The following CTNNA3 variants were observed in gnomAD, a reference collection of about 807,000 sequenced individuals.
The protein encoded by CTNNA3 is catenin alpha 3.
In CTNNA3, 76 loss-of-function variants were observed where a neutral mutation model predicts 95.7. The observed-to-expected ratio is 0.79, with a 90% CI of 0.66 to 0.96. The LOEUF is 0.96. CTNNA3 is among the 40% of genes least tolerant of loss of function. CTNNA3 has a pLI of 0.00. For synonymous variants in CTNNA3, 431 were observed against 374.4 expected, an observed-to-expected ratio of 1.15 and a Z score of -1.74; for missense variants, 1,191 against 1,089.8, an observed-to-expected ratio of 1.09 and a Z score of -1.31.
intron 13 of CTNNA3, among the ~76,000 whole-genome samples, chr10:66,258,770 T>G (rs1444903870): frequency 7.2e-5 from 11 of 152,228 alleles, no homozygotes; most frequent in African/African-American, 2.4e-4. Flanking sequence ...CTAAGAAACC[T>G]TAAAAATATA....
chr10:66,454,646 C>A (rs1366438210), intron 11 of CTNNA3, among the ~76,000 whole-genome samples: 1 of 152,020 alleles, frequency 6.6e-6, no homozygotes, highest in Middle Eastern at 3.4e-3. Flanking sequence ...TTAGTTTCTA[C>A]CAAACATTTA....
At chr10:67,689,601 A>G (rs1840802483) in intron 1 of CTNNA3, among the ~76,000 whole-genome samples, 1 of 152,100 alleles carries the variant, frequency 6.6e-6, no homozygotes, top group South Asian at 2.1e-4. Context: ...CTTGGGTGAC[A>G]TGATTTTGAG....
intron 5 of CTNNA3, among the ~76,000 whole-genome samples, chr10:67,479,902 T>C (rs1297006949): frequency 1.3e-5 from 2 of 151,916 alleles, no homozygotes; most frequent in African/African-American, 4.8e-5. Context: ...ATGACAAAGA[T>C]GACATTACTA....
chr10:67,301,986 A>AAAGAAC lies in CTNNA3; in HGVS notation c.580-82117_580-82116insGTTCTT, dbSNP rs1840310801. Among the ~76,000 whole-genome samples the AAAGAAC allele has an allele frequency of 5.8e-5, 5 of 86,930 alleles. 1 individual carries two copies. Among genetic ancestry groups the AAAGAAC allele is most frequent in the African/African-American group, 3.9e-4 (4 of 10,340 alleles). The allele number at this position is 86,930 out of a possible 152,430, so 57.0% of individuals were successfully genotyped here. A position where few individuals can be genotyped will look rare whatever the true frequency, so the allele number is the denominator to read the frequency against. On this transcript the variant is annotated intron_variant, in intron 5 of 17. Coordinates refer to ENST00000433211, the MANE Select transcript of CTNNA3 (RefSeq NM_013266.4). ...TCGTCAAGAAAGAAAAAAGAAAGAA[A>AAAGAAC]GAAAGAACGAAAGAACGAAAGAAAG...
At chr10:67,497,284 A>G (rs961505431) in intron 5 of CTNNA3, among the ~76,000 whole-genome samples, 1 of 152,174 alleles carries the variant, frequency 6.6e-6, no homozygotes, top group East Asian at 1.9e-4. Context: ...ATGGCTGCAT[A>G]GTGTTCCATG....
chr10:66,177,537 C>T (rs553684268), intron 13 of CTNNA3, among the ~76,000 whole-genome samples: 9 of 151,700 alleles, frequency 5.9e-5, no homozygotes, highest in Admixed American at 1.3e-4. Flanking sequence ...TCTAGACGAA[C>T]GATAAAAAGC....
At chr10:67,137,576 A>G (rs1487180307) in intron 7 of CTNNA3, among the ~76,000 whole-genome samples, 6 of 152,108 alleles carry the variant, frequency 3.9e-5, no homozygotes, top group Admixed American at 3.9e-4. Flanking sequence ...AACCCATTTG[A>G]CCCTAGCCAC....
At chr10:66,992,947 G>A (rs1352714114) in intron 7 of CTNNA3, among the ~76,000 whole-genome samples, 2 of 152,032 alleles carry the variant, frequency 1.3e-5, no homozygotes, top group Non-Finnish European at 2.9e-5. Context: ...AATTGTTATA[G>A]CTTTATAAGT....
chr10:66,527,388 A>C (rs1841306546), intron 10 of CTNNA3, among the ~76,000 whole-genome samples: 1 of 152,116 alleles, frequency 6.6e-6, no homozygotes, highest in South Asian at 2.1e-4. Context: ...TTGGCTACTC[A>C]AGGTCCCTTG....
intron 7 of CTNNA3, among the ~76,000 whole-genome samples, chr10:66,924,829 G>T (rs1846979266): frequency 6.6e-6 from 1 of 152,066 alleles, no homozygotes; most frequent in Non-Finnish European, 1.5e-5. Context: ...TGCCCGTTTT[G>T]CAGATGAGAA....
chr10:66,236,967 A>T (rs987813529), intron 13 of CTNNA3, among the ~76,000 whole-genome samples: 1 of 151,644 alleles, frequency 6.6e-6, no homozygotes, highest in African/African-American at 2.4e-5. Context: ...ATTAAAAAAA[A>T]AACTTAAAAA....
intron 5 of CTNNA3, among the ~76,000 whole-genome samples, chr10:67,402,549 C>G (rs757363638): frequency 1.3e-5 from 2 of 152,170 alleles, no homozygotes; most frequent in Non-Finnish European, 2.9e-5. Context: ...TGGGACTGAT[C>G]AGGGAAATAA....
chr10:66,474,396 C>T (rs1231754643), intron 11 of CTNNA3, among the ~76,000 whole-genome samples: 1 of 152,006 alleles, frequency 6.6e-6, no homozygotes, highest in Non-Finnish European at 1.5e-5. Flanking sequence ...TTTTGAATGG[C>T]TGAATAGTAT....
intron 13 of CTNNA3, among the ~76,000 whole-genome samples, chr10:66,216,485 G>T (rs2088546519): frequency 6.6e-6 from 1 of 152,122 alleles, no homozygotes; most frequent in Non-Finnish European, 1.5e-5. Context: ...AGACTTTGGG[G>T]ATAAATTTGC....
chr10:67,553,500 G>A (rs751037836), intron 3 of CTNNA3, among the ~76,000 whole-genome samples: 15 of 152,162 alleles, frequency 9.9e-5, no homozygotes, highest in East Asian at 1.9e-4. Context: ...AGCCCAAAGC[G>A]TCTCCTATTA....
chr10:66,508,226 A>ATTTTTTTTTTTTTTTTT (rs1840532457), intron 11 of CTNNA3, among the ~76,000 whole-genome samples: 1 of 94,110 alleles, frequency 1.1e-5, no homozygotes, highest in African/African-American at 5.1e-5. Context: ...TTTTTTTTTA[A>ATTTTTTTTTTTTTTTTT]CAATTTCGTT....
chr10:67,360,025 A>G (rs1842941909), intron 5 of CTNNA3, among the ~76,000 whole-genome samples: 1 of 152,176 alleles, frequency 6.6e-6, no homozygotes, highest in Non-Finnish European at 1.5e-5. Flanking sequence ...CTACTTTTCA[A>G]GCAAGAAAAA....
At chr10:66,126,536 C>T (rs1212137034) in intron 13 of CTNNA3, among the ~76,000 whole-genome samples, 4 of 152,054 alleles carry the variant, frequency 2.6e-5, no homozygotes, top group Admixed American at 2.6e-4. Context: ...GTTTCTGATA[C>T]CATTCACCAA....
At chr10:67,420,912 G>T (rs1845727490) in intron 5 of CTNNA3, among the ~76,000 whole-genome samples, 1 of 152,048 alleles carries the variant, frequency 6.6e-6, no homozygotes, top group Non-Finnish European at 1.5e-5. Flanking sequence ...AAACTTAATA[G>T]TTTTGTTGTT....
Sources: gnomAD v4.1 joint callset for allele counts (sites outside exome capture counted in the v4.1 genomes callset) on GRCh38, gnomAD v4.1.1 for gene constraint, MANE v1.5 for transcripts, NCBI Gene and HGNC (gene_info 2026-07-23, HGNC 2026-07-21) for gene names.